Variants in VSIG4 observed in about 807,000 individuals in gnomAD.
The protein encoded by VSIG4 is V-set and immunoglobulin domain-containing protein 4.
VSIG4 carries 34 observed loss-of-function variants against 23.4 expected under a neutral mutation model. The observed-to-expected ratio is 1.45, with a 90% CI of 1.10 to 1.93. VSIG4 has a LOEUF of 1.93. Ranked by LOEUF, VSIG4 falls within the 30% of genes most tolerant of loss-of-function variation. VSIG4 has a pLI of 0.00. For missense variants in VSIG4, 433 were observed against 310.8 expected (o/e 1.39, Z -2.96); for synonymous variants, 169 against 120.3 (o/e 1.41, Z -2.65).
intron 5 of VSIG4, 59 bp from the exon 6 acceptor site, chrX:66,025,188 C>T (rs1312000717): frequency 2.4e-6 from 2 of 849,990 alleles, no homozygotes; most frequent in Non-Finnish European, 1.6e-6. Flanking sequence ...GAAACAAAAA[C>T]TCTAAGAAAC....
chrX:66,037,408 A>T (rs1396966851), intron 1 of VSIG4, among the ~76,000 whole-genome samples: 1 of 20,534 alleles, frequency 4.9e-5, no homozygotes. Flanking sequence ...AATAATATTA[A>T]TATATAATAT....
At chrX:66,036,723 ATT>A (rs1172988764) in intron 1 of VSIG4, among the ~76,000 whole-genome samples, 5 of 51,868 alleles carry the variant, frequency 9.6e-5, no homozygotes, top group East Asian at 6.3e-4. Context: ...TAATATATAT[ATT>A]ATATAATTAT....
intron 3 of VSIG4, among the ~76,000 whole-genome samples, chrX:66,031,208 C>T (rs143322457): frequency 0.011 from 1,182 of 111,304 alleles, 16 homozygotes; most frequent in African/African-American, 0.037. Flanking sequence ...AAGTTCTTGC[C>T]TAGGTGGTCT....
Position 66,033,395 on chromosome X carries a change from A to T in VSIG4, c.412+79T>A, listed in dbSNP as rs1205807450. ...CCTCTGTATAAACGAAGGCCTCTGG[A>T]TTTTTCAGGCTTTTCTAGAATTACA... On this transcript the variant is annotated intron_variant, in intron 2 of 7. Transcript: ENST00000374737. 8.2e-6 allele frequency: 8 copies of T among 972,828 alleles called. No homozygotes were observed. The East Asian group carries it at 2.5e-4, about 30-fold the overall frequency. 80.2% of individuals were successfully genotyped at this position (972,828 alleles called of 1,213,427 possible).
rs34581041 is a variant in VSIG4, at chrX:66,033,564, G to A, written c.322C>T (p.Arg108Trp). ...GTGACTTCACACGTGTAGTGGCTCC[G>A]GTCATCCATCTCCAGGGTGCTCAAT... ...LQLSTLEMDD[R>W]SHYTCEVTWQ... Residue 108 changes from arginine to tryptophan, a missense_variant, in exon 2 of 8, where the codon CGG becomes TGG. Transcript: ENST00000374737. The A allele has an allele frequency of 5.7e-4, 686 of 1,209,502 alleles. 2 individuals carry two copies. In the African/African-American group the frequency reaches 0.01, roughly 18 times the overall value.
chrX:66,038,012 C>A (rs182671890), intron 1 of VSIG4, among the ~76,000 whole-genome samples: 1 of 110,493 alleles, frequency 9.1e-6, no homozygotes, highest in African/African-American at 3.3e-5. Flanking sequence ...CTATCCCATT[C>A]CCCCACATGA....
intron 6 of VSIG4, 57 bp downstream of exon 6, chrX:66,024,968 G>T (rs2085372985): frequency 6.7e-6 from 6 of 901,943 alleles, no homozygotes; most frequent in Non-Finnish European, 9.2e-6. Context: ...TTAGGCTCAA[G>T]TATACTGACA....
chrX:66,032,121 G>T (rs761841288), intron 3 of VSIG4, among the ~76,000 whole-genome samples: 1 of 111,804 alleles, frequency 8.9e-6, no homozygotes, highest in East Asian at 2.8e-4. Context: ...TTCTGACTCT[G>T]TTTCCTCTTC....
intron 6 of VSIG4, 87 bp from the exon 7 acceptor site, chrX:66,022,949 G>T: frequency 2.0e-6 from 2 of 1,019,080 alleles, no homozygotes; most frequent in Non-Finnish European, 1.4e-6. Context: ...GTCAAAAGAT[G>T]AGGGAAGGGT....
chrX:66,027,558 C>G, intron 4 of VSIG4, 32 bp from the exon 5 acceptor site: 1 of 1,109,787 alleles, frequency 9.0e-7, no homozygotes, highest in Non-Finnish European at 1.2e-6. Flanking sequence ...TCAGAGATGT[C>G]TCTCTTCTTT....
rs1344075935 is a variant in VSIG4 at position 66,032,397 on chromosome X, G to A, written c.694+71C>T. The A allele has an allele frequency of 1.2e-5, 14 of 1,124,029 alleles. No homozygotes were observed. The Admixed American group carries it at 3.4e-4, about 27-fold the overall frequency. 92.6% of individuals were successfully genotyped at this position (1,124,029 alleles called of 1,213,427 possible). On this transcript the variant is annotated intron_variant, in intron 3 of 7. Transcript: ENST00000374737. ...CTCTCCCAATTCTTCTTTTGCATAA[G>A]GGCACCTTTTGAGGTATCTTTGTTT...
At position 66,022,115 on chromosome X, in the gene VSIG4, G is replaced by A; in HGVS notation, c.*148C>T. On this transcript the variant is annotated 3_prime_UTR_variant, in exon 8 of 8. Coordinates refer to ENST00000374737, the MANE Select transcript of VSIG4 (RefSeq NM_007268.3). ...TGAGATGCATCTGGCAAATTCCAGG[G>A]CAAAGCCAGTGACTCCCAGCGGCTC... 1 of 1,177,647 alleles carries A rather than the reference G, an allele frequency of 8.5e-7. No homozygotes were observed. Among genetic ancestry groups the A allele is most frequent in the East Asian group, 3.1e-5 (1 of 31,837 alleles).
At chrX:66,036,526 A>G (rs751490183) in intron 1 of VSIG4, among the ~76,000 whole-genome samples, 34 of 98,496 alleles carry the variant, frequency 3.5e-4, no homozygotes, top group African/African-American at 1.2e-3. Flanking sequence ...CCTTGGGTAA[A>G]TTACTAAACC....
At chrX:66,022,808 G>A (rs1184308385) in intron 7 of VSIG4, 33 bp downstream of exon 7, 1 of 1,211,308 alleles carries the variant, frequency 8.3e-7, no homozygotes, top group Non-Finnish European at 1.1e-6. Flanking sequence ...GGCAGGGACG[G>A]GGTCAAAAAT....
At chrX:66,035,184 G>A (rs1213635648) in intron 1 of VSIG4, among the ~76,000 whole-genome samples, 1 of 111,329 alleles carries the variant, frequency 9.0e-6, no homozygotes, top group Admixed American at 9.6e-5. Flanking sequence ...AAAAGCCCTT[G>A]AGTAGAAAAG....
At position 66,025,059 on chromosome X, in the gene VSIG4, G is replaced by A; in HGVS notation, c.906C>T (p.Ala302=). ...SLCCMVVFTM[A]YIMLCRKTSQ... is the part of the protein sequence containing the mutation. Reference sequence around the variant, plus strand: ...ATGTCTTCCGACAGAGCATGATATAGGCCATGGTAAAAACCACCATACAGC... The same window carrying A: ...ATGTCTTCCGACAGAGCATGATATAAGCCATGGTAAAAACCACCATACAGC... The change falls in exon 6 of 8, where the codon GCC becomes GCT. Residue 302 remains alanine (A), a synonymous_variant. Coordinates refer to ENST00000374737, the MANE Select transcript of VSIG4 (RefSeq NM_007268.3). The A allele has an allele frequency of 8.3e-7, 1 of 1,205,451 alleles. No homozygotes were observed. The highest frequency in any genetic ancestry group is 1.8e-5 in the South Asian group (1 of 55,731).
At chrX:66,027,333 A>G (rs1285930264) in intron 5 of VSIG4, 116 bp downstream of exon 5, 35 of 629,231 alleles carry the variant, frequency 5.6e-5, no homozygotes, top group Non-Finnish European at 9.0e-5. Flanking sequence ...TGCTTGGCAC[A>G]TAGCAGGTAA....
rs766905462 is a variant in VSIG4 at position 66,032,955 on chromosome X, G to A, written c.413-206C>T. On this transcript the variant is annotated intron_variant, in intron 2 of 7. Transcript: ENST00000374737. ...AGGTAGGTACTTTTTGGTATTACCC[G>A]GGGTTTTGGAATACTTGGAAGTAAA... is the stretch of plus-strand genomic sequence containing the variant. Among the ~76,000 whole-genome samples the A allele has an allele frequency of 8.1e-5, 9 of 111,503 alleles. No individual in the cohort carries two copies. In the South Asian group the frequency reaches 1.9e-3, roughly 23 times the overall value.
chrX:66,026,010 T>C (rs2085386183), intron 5 of VSIG4, among the ~76,000 whole-genome samples: 2 of 112,174 alleles, frequency 1.8e-5, no homozygotes, highest in Admixed American at 1.9e-4. Context: ...AGATACTAGG[T>C]TTGGGGTAAG....
Sources: gnomAD v4.1 joint callset for allele counts (sites outside exome capture counted in the v4.1 genomes callset) on GRCh38, gnomAD v4.1.1 for gene constraint, MANE v1.5 for transcripts, NCBI Gene and HGNC (gene_info 2026-07-23, HGNC 2026-07-21) for gene names.